The following PPP1R12B variants were observed in gnomAD, a reference collection of about 807,000 sequenced individuals.
PPP1R12B encodes protein phosphatase 1 regulatory subunit 12B.
Under a neutral mutation model 126.1 loss-of-function variants are expected in PPP1R12B, and 76 were observed. That is an observed-to-expected ratio of 0.60 (90% CI 0.50 to 0.73). PPP1R12B has a LOEUF of 0.73. Ranked by LOEUF, PPP1R12B falls within the 30% of genes least tolerant of loss-of-function variation. The probability of loss-of-function intolerance (pLI) is 0.00; values close to 1 mark genes in which losing one functional copy is unlikely to be tolerated. For synonymous variants in PPP1R12B, 356 were observed against 434.7 expected (o/e 0.82, Z 2.25); for missense variants, 1,052 against 1,205.1 (o/e 0.87, Z 1.88).
rs376866833 is a variant in PPP1R12B at position 202,427,106 on chromosome 1, T to C, written c.768T>C (p.Ala256=). ...QDYDGWTPLH[A]AAHWGVKEAC... is the part of the protein sequence containing the mutation. ...ATGATGGCTGGACTCCCCTCCATGC[T>C]GCTGCACACTGGGGAGTGAAGGAGG... Residue 256 remains alanine (A), a synonymous_variant, in exon 5 of 24, where the codon GCT becomes GCC. Coordinates refer to ENST00000608999, the MANE Select transcript of PPP1R12B (RefSeq NM_002481.4). 3.1e-6 allele frequency: 5 copies of C among 1,614,226 alleles called. No homozygotes were observed. The African/African-American group carries it at 5.3e-5, about 17-fold the overall frequency.
intron 1 of PPP1R12B, among the ~76,000 whole-genome samples, chr1:202,392,916 G>A (rs1467209511): frequency 4.6e-5 from 7 of 152,016 alleles, no homozygotes; most frequent in African/African-American, 1.7e-4. Context: ...TTTAAAAAAA[G>A]TACCTTTGAA....
chr1:202,491,392 A>G (rs1572256252), intron 14 of PPP1R12B, among the ~76,000 whole-genome samples: 1 of 151,950 alleles, frequency 6.6e-6, no homozygotes, highest in Admixed American at 6.6e-5. Context: ...CAAGTGATCT[A>G]CCCACCTTGG....
chr1:202,525,647 G>C (rs966902254), intron 18 of PPP1R12B, among the ~76,000 whole-genome samples: 4 of 150,954 alleles, frequency 2.6e-5, no homozygotes, highest in East Asian at 1.9e-4. Flanking sequence ...TTTCAGGAAG[G>C]GGGGTTAGCA....
chr1:202,584,705 T>C lies in PPP1R12B; in HGVS notation c.*4145T>C, dbSNP rs1362449823. ...TGGAGAAGAGAGAACTATTTAAAAG[T>C]GTTGCCAGTTATTCAGCTTCCAGGC... On this transcript the variant is annotated 3_prime_UTR_variant, in exon 24 of 24. Transcript: ENST00000608999. 1 of 152,092 alleles carries C rather than the reference T, an allele frequency of 6.6e-6. No individual in the cohort carries two copies. Among genetic ancestry groups the C allele is most frequent in the Admixed American group, 6.5e-5 (1 of 15,274 alleles). 9.4% of individuals were successfully genotyped at this position (152,092 alleles called of 1,614,324 possible).
chr1:202,392,841 T>C (rs1664344614), intron 1 of PPP1R12B, among the ~76,000 whole-genome samples: 1 of 152,114 alleles, frequency 6.6e-6, no homozygotes, highest in Non-Finnish European at 1.5e-5. Context: ...GGGCTTCTTT[T>C]TGAGATGATG....
intron 18 of PPP1R12B, among the ~76,000 whole-genome samples, chr1:202,532,715 T>G (rs1377662547): frequency 1.3e-5 from 2 of 151,990 alleles, no homozygotes; most frequent in African/African-American, 4.8e-5. Flanking sequence ...TGTCAGGAAT[T>G]AAAAAAGAAA....
Position 202,457,513 on chromosome 1 carries a change from A to G in PPP1R12B, c.1850+8342A>G, listed in dbSNP as rs1673784886. Among the ~76,000 whole-genome samples, 8 of 151,648 alleles carry G rather than the reference A, an allele frequency of 5.3e-5. No homozygotes were observed. The South Asian group carries it at 1.7e-3, about 32-fold the overall frequency. Reference sequence around the variant, plus strand: ...GGTTGCAGTGAGCTGAGATTGCGCCATTGCTCTCCAGCCTGGGAGACAGAG... The same window carrying G: ...GGTTGCAGTGAGCTGAGATTGCGCCGTTGCTCTCCAGCCTGGGAGACAGAG... On this transcript the variant is annotated intron_variant, in intron 13 of 23. Coordinates refer to ENST00000608999, the MANE Select transcript of PPP1R12B (RefSeq NM_002481.4).
intron 1 of PPP1R12B, among the ~76,000 whole-genome samples, chr1:202,384,978 TA>T (rs1256607951): frequency 6.6e-6 from 1 of 152,224 alleles, no homozygotes; most frequent in Non-Finnish European, 1.5e-5. Flanking sequence ...TTTCTCAGAT[TA>T]AAACTGATAA....
Position 202,446,322 on chromosome 1 carries a change from T to G in PPP1R12B, c.1668-2667T>G, listed in dbSNP as rs574235773. ...AGGCTGGAGTGCAGTGGTGCAGTCT[T>G]GGCTGACTGCAACCTTCACCTCCCG... is the stretch of plus-strand genomic sequence containing the variant. On this transcript the variant is annotated intron_variant, in intron 12 of 23. Transcript: ENST00000608999. Among the ~76,000 whole-genome samples the G allele has an allele frequency of 3.8e-4, 55 of 143,712 alleles. No individual in the cohort carries two copies. In the South Asian group the frequency reaches 6.8e-3, roughly 18 times the overall value. The allele number at this position is 143,712 out of a possible 152,430, so 94.3% of individuals were successfully genotyped here.
At chr1:202,437,497 T>C (rs1231000384) in intron 9 of PPP1R12B, among the ~76,000 whole-genome samples, 2 of 152,198 alleles carry the variant, frequency 1.3e-5, no homozygotes, top group African/African-American at 4.8e-5. Flanking sequence ...GAAGAAGGTA[T>C]ATTACTAGAA....
At chr1:202,492,852 C>A (rs2148850113) in intron 14 of PPP1R12B, among the ~76,000 whole-genome samples, 1 of 152,216 alleles carries the variant, frequency 6.6e-6, no homozygotes, top group South Asian at 2.1e-4. Context: ...AGGCAGACAT[C>A]AGTGTTGACC....
chr1:202,364,181 T>G (rs1380634769), intron 1 of PPP1R12B, among the ~76,000 whole-genome samples: 1 of 152,198 alleles, frequency 6.6e-6, no homozygotes, highest in East Asian at 1.9e-4. Context: ...CTTGATATTC[T>G]TTTCTGTCTA....
intron 1 of PPP1R12B, among the ~76,000 whole-genome samples, chr1:202,400,510 CTAAG>C (rs1051366970): frequency 9.2e-5 from 14 of 152,200 alleles, no homozygotes; most frequent in African/African-American, 3.4e-4. Context: ...AATGTTTAAA[CTAAG>C]TCTTTCAGAC....
chr1:202,515,077 G>A (rs182694288), intron 18 of PPP1R12B, among the ~76,000 whole-genome samples: 420 of 152,284 alleles, frequency 2.8e-3, no homozygotes, highest in Non-Finnish European at 4.6e-3. Flanking sequence ...TCACTTATAA[G>A]TGGAAGCTAA....
In PPP1R12B at chr1:202,587,395, CTAA is replaced by C. The variant is rs1274335087; in HGVS notation, c.*6837_*6839del. The stretch of plus-strand genomic sequence containing the variant: ...CCAGTTTCAAAGCTCCTCGGCTATG[CTAA>C]TGTCCCCTCAGAGATGAGGTTTGAC... On this transcript the variant is annotated 3_prime_UTR_variant, in exon 24 of 24. Coordinates refer to ENST00000608999, the MANE Select transcript of PPP1R12B (RefSeq NM_002481.4). 1.3e-5 allele frequency: 2 copies of C among 152,256 alleles called. No homozygotes were observed. The highest frequency in any genetic ancestry group is 2.9e-5 in the Non-Finnish European group (2 of 68,068). The allele number at this position is 152,256 out of a possible 1,614,324, so 9.4% of individuals were successfully genotyped here.
chr1:202,445,363 T>A, intron 12 of PPP1R12B: 1 of 752,668 alleles, frequency 1.3e-6, no homozygotes, highest in Non-Finnish European at 1.8e-6. Flanking sequence ...CTGAATTTAA[T>A]GAAGATGCTT....
intron 23 of PPP1R12B, among the ~76,000 whole-genome samples, chr1:202,579,886 T>C (rs1689432496): frequency 6.6e-6 from 1 of 152,194 alleles, no homozygotes; most frequent in Non-Finnish European, 1.5e-5. Context: ...AAAGTGGATA[T>C]GTATAGTATG....
chr1:202,384,889 G>A (rs1265144157), intron 1 of PPP1R12B, among the ~76,000 whole-genome samples: 1 of 152,206 alleles, frequency 6.6e-6, no homozygotes, highest in Non-Finnish European at 1.5e-5. Flanking sequence ...GGCTATGCCA[G>A]TGTACACTTC....
intron 12 of PPP1R12B, chr1:202,445,321 A>T: frequency 6.5e-6 from 7 of 1,078,604 alleles, no homozygotes; most frequent in Non-Finnish European, 8.3e-6. Context: ...CTTTATCACT[A>T]TAAAAACAAG....
Sources: allele counts gnomAD v4.1 joint callset (sites outside exome capture counted in the v4.1 genomes callset), GRCh38; gene constraint gnomAD v4.1.1; transcripts MANE v1.5; gene names NCBI Gene and HGNC (gene_info 2026-07-23, HGNC 2026-07-21).